Variants in SLC4A8 observed in about 807,000 individuals in gnomAD.
SLC4A8 encodes the protein electroneutral sodium bicarbonate exchanger 1.
SLC4A8 carries 40 observed loss-of-function variants against 125.0 expected under a neutral mutation model. The ratio of observed to expected loss-of-function variants is 0.32; its 90% CI spans 0.25 to 0.42. The LOEUF (loss-of-function observed/expected upper bound fraction) is 0.42. SLC4A8 is among the 10% of genes least tolerant of loss of function. The pLI, the probability that SLC4A8 is intolerant of heterozygous loss-of-function variation, is 1.00. For missense variants in SLC4A8, 863 were observed against 1,355.1 expected (o/e 0.64, Z 5.70); for synonymous variants, 456 against 476.0 (o/e 0.96, Z 0.55).
Position 51,469,783 on chromosome 12 carries a change from C to T in SLC4A8, c.1519C>T (p.Arg507Cys), listed in dbSNP as rs374704511. 1.4e-5 allele frequency: 23 copies of T among 1,613,888 alleles called. No individual in the cohort carries two copies. Among genetic ancestry groups the T allele is most frequent in the African/African-American group, 4.0e-5 (3 of 75,020 alleles). ...GGLLGEATEG[R>C]ISAIESLFGA... ...ACTGCTTGGAGAAGCCACTGAGGGA[C>T]GCATAGTAAGGACTTTTAACCACTT... The change falls in exon 12 of 25, where the codon CGC becomes TGC. Residue 507 changes from arginine to cysteine, a missense_variant. Transcript: ENST00000453097.
intron 14 of SLC4A8, 148 bp downstream of exon 14, chr12:51,471,680 T>C: frequency 2.4e-6 from 2 of 833,106 alleles, no homozygotes; most frequent in Non-Finnish European, 3.8e-6. Context: ...CAAGGAGTAT[T>C]GGAGGGCTGC....
chr12:51,480,133 G>T (rs1350425318), intron 16 of SLC4A8: 1 of 442,552 alleles, frequency 2.3e-6, no homozygotes, highest in East Asian at 8.4e-5. Context: ...TAGAGACGGG[G>T]TTTCCCCATG....
At chr12:51,445,856 C>T (rs1949758143) in intron 2 of SLC4A8, among the ~76,000 whole-genome samples, 1 of 151,762 alleles carries the variant, frequency 6.6e-6, no homozygotes, top group African/African-American at 2.4e-5. Context: ...ATTTCTGACC[C>T]CCCCCAAGCA....
chr12:51,474,229 A>G (rs1950796152), intron 14 of SLC4A8, 113 bp from the exon 15 acceptor site: 2 of 619,774 alleles, frequency 3.2e-6, no homozygotes, highest in Non-Finnish European at 5.7e-6. Context: ...GGTCTGAAGT[A>G]TGCAAAGAAG....
chr12:51,455,689 A>G (rs898724472), intron 5 of SLC4A8, among the ~76,000 whole-genome samples: 1 of 152,166 alleles, frequency 6.6e-6, no homozygotes, highest in African/African-American at 2.4e-5. Flanking sequence ...ATCTTTCTCT[A>G]TTTCAAGTAT....
rs548665739 is a variant in SLC4A8 at position 51,510,945 on chromosome 12, T to C, written c.*3507T>C. ...GGATCTCTTTGTGAGGTTCGATTTTTTAAAAATCCATGGGTCCCTATGGAC... is the reference window on the plus strand; with the variant it reads ...GGATCTCTTTGTGAGGTTCGATTTTCTAAAAATCCATGGGTCCCTATGGAC... On this transcript the variant is annotated 3_prime_UTR_variant, in exon 25 of 25. Coordinates refer to ENST00000453097, the MANE Select transcript of SLC4A8 (RefSeq NM_001039960.3). The C allele has an allele frequency of 3.9e-5, 6 of 152,328 alleles. No homozygotes were observed. Among genetic ancestry groups the C allele is most frequent in the African/African-American group, 1.2e-4 (5 of 41,560 alleles). The allele number at this position is 152,328 out of a possible 1,614,324, so 9.4% of individuals were successfully genotyped here. A position where few individuals can be genotyped will look rare whatever the true frequency, so the allele number is the denominator to read the frequency against.
chr12:51,488,334 T>C (rs1054309449), intron 17 of SLC4A8, among the ~76,000 whole-genome samples: 1 of 152,200 alleles, frequency 6.6e-6, no homozygotes, highest in Non-Finnish European at 1.5e-5. Flanking sequence ...GATTCTGGGA[T>C]AGTAGGTTAT....
intron 7 of SLC4A8, 73 bp downstream of exon 7, chr12:51,458,723 G>T: frequency 1.9e-6 from 2 of 1,071,666 alleles, no homozygotes; most frequent in African/African-American, 1.6e-5. Flanking sequence ...TTAATTGCTG[G>T]AATCTGGGTA....
intron 14 of SLC4A8, among the ~76,000 whole-genome samples, chr12:51,473,061 C>T (rs891540338): frequency 1.3e-5 from 2 of 152,068 alleles, no homozygotes; most frequent in Non-Finnish European, 2.9e-5. Flanking sequence ...ATCATTGCCA[C>T]CCAAAGTCCA....
intron 11 of SLC4A8, among the ~76,000 whole-genome samples, chr12:51,467,884 A>C (rs573579814): frequency 3.9e-4 from 59 of 152,352 alleles, no homozygotes; most frequent in Non-Finnish European, 6.6e-4. Context: ...AAAAATTATC[A>C]TGCCATTATC....
chr12:51,426,774 G>C (rs1403333351), intron 1 of SLC4A8, among the ~76,000 whole-genome samples: 1 of 151,944 alleles, frequency 6.6e-6, no homozygotes, highest in East Asian at 1.9e-4. Context: ...GCCATTTGGA[G>C]CCCATGCTGA....
At chr12:51,400,751 TATATATATATATATATATATATATATAC>T (rs1300026020) in intron 1 of SLC4A8, among the ~76,000 whole-genome samples, 89 of 2,926 alleles carry the variant, frequency 0.03, 11 homozygotes, top group Non-Finnish European at 0.05. Flanking sequence ...TATATATATA[TATATATATATATATATATATATATATAC>T]ATACATACAC....
chr12:51,414,828 T>C (rs1049312109), intron 1 of SLC4A8, among the ~76,000 whole-genome samples: 2 of 152,160 alleles, frequency 1.3e-5, no homozygotes, highest in Non-Finnish European at 2.9e-5. Context: ...TATATGGAGG[T>C]ATGTTTCTTT....
rs765579333 is a variant in SLC4A8 at position 51,488,827 on chromosome 12, C to T, written c.2415C>T (p.Ala805=). Residue 805 remains alanine, a synonymous_variant, in exon 18 of 25, where the codon GCC becomes GCT. Coordinates refer to ENST00000453097, the MANE Select transcript of SLC4A8 (RefSeq NM_001039960.3). ...TATTCATGGATCAGCAGATCACAGC[C>T]GTCATTATTAACAGGAAGGAACATA... is the stretch of plus-strand genomic sequence containing the variant. ...ILIFMDQQIT[A]VIINRKEHKL... 7.4e-6 allele frequency: 12 copies of T among 1,613,442 alleles called. 1 individual carries two copies. The highest frequency in any genetic ancestry group is 6.7e-5 in the Admixed American group (4 of 59,970).
Position 51,493,543 on chromosome 12 carries a change from T to C in SLC4A8, c.2701-161T>C, listed in dbSNP as rs569240908. Among the ~76,000 whole-genome samples, 466 of 152,340 alleles carry C rather than the reference T, an allele frequency of 3.1e-3. 4 individuals carry two copies. Among genetic ancestry groups the C allele is most frequent in the African/African-American group, 0.011 (440 of 41,582 alleles). On this transcript the variant is annotated intron_variant, in intron 19 of 24. Transcript: ENST00000453097. ...TATCATTGTCAGCTTCTGCTTTTGC[T>C]TCTACTCCTAAGTCACCCACAGGCA...
chr12:51,400,755 T>C (rs1592137554), intron 1 of SLC4A8, among the ~76,000 whole-genome samples: 2 of 14,846 alleles, frequency 1.3e-4, no homozygotes, highest in South Asian at 2.4e-3. Context: ...TATATATATA[T>C]ATATATATAT....
intron 14 of SLC4A8, among the ~76,000 whole-genome samples, chr12:51,473,497 G>A (rs576601434): frequency 6.6e-6 from 1 of 151,938 alleles, no homozygotes; most frequent in African/African-American, 2.4e-5. Context: ...ATTACTTTTC[G>A]TTTTGTCAAT....
chr12:51,409,605 A>T (rs1006834569), intron 1 of SLC4A8, among the ~76,000 whole-genome samples: 2 of 152,260 alleles, frequency 1.3e-5, no homozygotes, highest in African/African-American at 4.8e-5. Flanking sequence ...GTGGCTATTC[A>T]TAGGTGCAAT....
chr12:51,478,243 C>T (rs1193755826), intron 16 of SLC4A8, among the ~76,000 whole-genome samples: 1 of 150,086 alleles, frequency 6.7e-6, no homozygotes, highest in African/African-American at 2.5e-5. Context: ...CCACTGCACT[C>T]CAGCCTGGGG....
Sources: allele counts gnomAD v4.1 joint callset (sites outside exome capture counted in the v4.1 genomes callset), GRCh38; gene constraint gnomAD v4.1.1; transcripts MANE v1.5; gene names NCBI Gene and HGNC (gene_info 2026-07-23, HGNC 2026-07-21).